Variants in CHD6 observed in about 807,000 individuals in gnomAD.
CHD6 encodes the protein ATP-dependent chromatin remodeler CHD6.
CHD6 carries 50 observed loss-of-function variants against 276.9 expected under a neutral mutation model. That is an observed-to-expected ratio of 0.18 (90% CI 0.14 to 0.23). CHD6 has a LOEUF of 0.23. CHD6 is among the 10% of genes least tolerant of loss of function. CHD6 has a pLI of 1.00. For missense variants in CHD6, 2,564 were observed against 3,365.8 expected, an observed-to-expected ratio of 0.76 and a Z score of 5.89; for synonymous variants, 1,173 against 1,229.3, an observed-to-expected ratio of 0.95 and a Z score of 0.96.
chr20:41,420,485 C>T, intron 31 of CHD6, 23 bp downstream of exon 31: 1 of 1,574,828 alleles, frequency 6.3e-7, no homozygotes, highest in Non-Finnish European at 8.6e-7. Flanking sequence ...ATCCAAAATG[C>T]CACAAGATCC....
rs1352239826 is a variant in CHD6, at chr20:41,421,944, A to T, written c.4691T>A (p.Leu1564Gln). Residue 1564 changes from leucine (L) to glutamine (Q), a missense_variant, in exon 31 of 37, where the codon CTG becomes CAG. Leu to Gln is a moderately radical substitution (Grantham distance 113). Transcript: ENST00000373233. ...TGGGAGGTAGAGGCTGGGCCTGCAC[A>T]GCTGGAGGCGTTCATGCAGCTGAGG... ...KCPQLHERLQ[L>Q]CRPSLYLPVW... 1 of 1,614,118 alleles carries T rather than the reference A, an allele frequency of 6.2e-7. No individual in the cohort carries two copies. The highest frequency in any genetic ancestry group is 1.3e-5 in the African/African-American group (1 of 74,940).
In CHD6 at chr20:41,421,568, G is replaced by T. The variant is rs764220259; in HGVS notation, c.5067C>A (p.Val1689=). The change falls in exon 31 of 37, where the codon GTC becomes GTA. Residue 1689 remains valine (V), a synonymous_variant. Coordinates refer to ENST00000373233, the MANE Select transcript of CHD6 (RefSeq NM_032221.5). ...CENFISKVQD[V]ISINHDESLL... is the part of the protein sequence containing the mutation. ...GACTTTCATCATGGTTGATGGAAAT[G>T]ACATCCTGAACTTTAGAAATAAAGT... 1 of 1,613,554 alleles carries T rather than the reference G, an allele frequency of 6.2e-7. No homozygotes were observed. Among genetic ancestry groups the T allele is most frequent in the East Asian group, 2.2e-5 (1 of 44,876 alleles).
At chr20:41,524,709 T>C (rs1601082812) in intron 3 of CHD6, among the ~76,000 whole-genome samples, 3 of 152,200 alleles carry the variant, frequency 2.0e-5, no homozygotes, top group African/African-American at 4.8e-5. Context: ...GATAGGAAAG[T>C]TGATGAATTC....
intron 2 of CHD6, among the ~76,000 whole-genome samples, chr20:41,537,952 C>T (rs905216187): frequency 2.0e-5 from 3 of 152,204 alleles, no homozygotes; most frequent in Non-Finnish European, 4.4e-5. Context: ...CACAGCAGCA[C>T]TATTCACAAT....
At chr20:41,437,457 G>A in intron 26 of CHD6, 123 bp from the exon 27 acceptor site, 2 of 614,500 alleles carry the variant, frequency 3.3e-6, no homozygotes, top group East Asian at 2.7e-5. Flanking sequence ...CAGGGCGAGA[G>A]AGAGAGATCA....
chr20:41,406,474 T>A (rs2046678190), intron 36 of CHD6, among the ~76,000 whole-genome samples: 1 of 152,190 alleles, frequency 6.6e-6, no homozygotes, highest in Admixed American at 6.5e-5. Flanking sequence ...TCCAGCAGCA[T>A]CAGCGAGCGG....
At chr20:41,617,306 C>T (rs1300802876) in intron 1 of CHD6, among the ~76,000 whole-genome samples, 3 of 152,156 alleles carry the variant, frequency 2.0e-5, no homozygotes, top group South Asian at 2.1e-4. Flanking sequence ...TTGAATTATA[C>T]TGCCTTATTA....
chr20:41,409,594 G>A (rs1569041182), intron 36 of CHD6, among the ~76,000 whole-genome samples: 2 of 152,174 alleles, frequency 1.3e-5, no homozygotes, highest in African/African-American at 4.8e-5. Flanking sequence ...CACGCTGGGT[G>A]AAAAGAGACC....
At chr20:41,543,470 A>C (rs1442750994) in intron 2 of CHD6, among the ~76,000 whole-genome samples, 1 of 152,162 alleles carries the variant, frequency 6.6e-6, no homozygotes, top group Non-Finnish European at 1.5e-5. Flanking sequence ...ATCTCTCCTC[A>C]ACCTTTCCCC....
Position 41,423,536 on chromosome 20 carries a change from G to A in CHD6, c.4511C>T (p.Ala1504Val). ...TAGACGACAGACATTCCGGCACATG[G>A]CCACAAAACTATAAAAATACTGTTC... ...SLEQYFYSFVAMCRNVCRLPT... is the reference protein window; with the variant it reads ...SLEQYFYSFVVMCRNVCRLPT... The change falls in exon 30 of 37, where the codon GCC becomes GTC. Residue 1504 changes from alanine (A) to valine (V), a missense_variant. Transcript: ENST00000373233. The A allele has an allele frequency of 6.2e-7, 1 of 1,614,180 alleles. No homozygotes were observed. Among genetic ancestry groups the A allele is most frequent in the Non-Finnish European group, 8.5e-7 (1 of 1,180,028 alleles).
chr20:41,511,770 G>T (rs1434353193), intron 5 of CHD6, among the ~76,000 whole-genome samples: 1 of 152,120 alleles, frequency 6.6e-6, no homozygotes, highest in East Asian at 1.9e-4. Context: ...TAAAGTTCAT[G>T]TTGGAAATGT....
intron 5 of CHD6, among the ~76,000 whole-genome samples, chr20:41,504,834 C>T (rs1010734907): frequency 6.6e-6 from 1 of 152,146 alleles, no homozygotes; most frequent in South Asian, 2.1e-4. Flanking sequence ...TTTTAGCCAC[C>T]TTTTCCAGCC....
intron 1 of CHD6, among the ~76,000 whole-genome samples, chr20:41,582,654 A>G (rs2045553130): frequency 6.6e-6 from 1 of 152,212 alleles, no homozygotes; most frequent in Non-Finnish European, 1.5e-5. Flanking sequence ...CAAACAAGAG[A>G]GCCAAACTAA....
At chr20:41,577,099 C>T (rs1472551339) in intron 1 of CHD6, among the ~76,000 whole-genome samples, 7 of 152,140 alleles carry the variant, frequency 4.6e-5, no homozygotes, top group African/African-American at 1.7e-4. Flanking sequence ...ATATAAGATA[C>T]ATTACTTCAA....
chr20:41,468,401 C>T (rs930906112), intron 17 of CHD6, among the ~76,000 whole-genome samples: 29 of 152,162 alleles, frequency 1.9e-4, no homozygotes, highest in South Asian at 4.1e-4. Flanking sequence ...TGAGCCACCG[C>T]GCCCAGCCCC....
chr20:41,486,671 AG>A (rs2043422192), intron 14 of CHD6, among the ~76,000 whole-genome samples: 1 of 152,198 alleles, frequency 6.6e-6, no homozygotes, highest in Non-Finnish European at 1.5e-5. Context: ...TCCTGTAATA[AG>A]GTCTTGCATG....
At chr20:41,441,163 T>G (rs944545081) in intron 25 of CHD6, among the ~76,000 whole-genome samples, 6 of 152,200 alleles carry the variant, frequency 3.9e-5, no homozygotes, top group African/African-American at 1.4e-4. Context: ...TGGCAATGAC[T>G]TGATTGCTCT....
At chr20:41,574,343 A>T (rs1314672585) in intron 1 of CHD6, among the ~76,000 whole-genome samples, 1 of 152,150 alleles carries the variant, frequency 6.6e-6, no homozygotes, top group African/African-American at 2.4e-5. Flanking sequence ...CTATACTTGG[A>T]GATAATGAAA....
chr20:41,457,875 T>C (rs1194690954), intron 17 of CHD6, among the ~76,000 whole-genome samples: 1 of 152,164 alleles, frequency 6.6e-6, no homozygotes, highest in African/African-American at 2.4e-5. Flanking sequence ...TTACGGACAA[T>C]CTCGTTTATT....
Sources: gnomAD v4.1 joint callset for allele counts (sites outside exome capture counted in the v4.1 genomes callset) on GRCh38, gnomAD v4.1.1 for gene constraint, MANE v1.5 for transcripts, NCBI Gene and HGNC (gene_info 2026-07-23, HGNC 2026-07-21) for gene names.